The following FMN1 variants were observed in gnomAD, a reference collection of about 807,000 sequenced individuals.
The protein encoded by FMN1 is formin 1, also known as formin-1.
FMN1 carries 110 observed loss-of-function variants against 132.4 expected under a neutral mutation model. The ratio of observed to expected loss-of-function variants is 0.83; its 90% CI spans 0.71 to 0.97. The LOEUF is 0.97. Ranked by LOEUF, FMN1 falls within the 50% of genes least tolerant of loss-of-function variation. The probability of loss-of-function intolerance (pLI) is 0.00; values close to 1 mark genes in which losing one functional copy is unlikely to be tolerated. For synonymous variants in FMN1, 722 were observed against 651.7 expected (o/e 1.11, Z -1.64); for missense variants, 1,792 against 1,705.3 (o/e 1.05, Z -0.90).
At chr15:32,895,681 A>G (rs377166802) in intron 15 of FMN1, among the ~76,000 whole-genome samples, 5 of 152,258 alleles carry the variant, frequency 3.3e-5, no homozygotes, top group South Asian at 4.1e-4. Flanking sequence ...TATGTCTTCT[A>G]TATGTCTTTT....
chr15:32,785,515 A>G (rs148677444), intron 19 of FMN1, among the ~76,000 whole-genome samples: 88 of 152,160 alleles, frequency 5.8e-4, no homozygotes, highest in African/African-American at 2.0e-3. Flanking sequence ...CCTGAAAATT[A>G]GCGTTATCTT....
At chr15:33,179,130 G>T (rs1409988067) in intron 3 of FMN1, among the ~76,000 whole-genome samples, 1 of 152,070 alleles carries the variant, frequency 6.6e-6, no homozygotes, top group Non-Finnish European at 1.5e-5. Context: ...AACAAAATTG[G>T]CTTTCCACCA....
intron 11 of FMN1, among the ~76,000 whole-genome samples, chr15:32,909,036 G>A (rs150473135): frequency 9.4e-4 from 143 of 152,034 alleles, no homozygotes; most frequent in African/African-American, 3.3e-3. Context: ...TCCAAATTTC[G>A]TAAGCACTCA....
At chr15:33,140,363 G>T (rs57090126) in intron 4 of FMN1, among the ~76,000 whole-genome samples, 1 of 151,448 alleles carries the variant, frequency 6.6e-6, no homozygotes, top group Non-Finnish European at 1.5e-5. Context: ...AATTTTAGTG[G>T]TACATCAAAA....
intron 9 of FMN1, among the ~76,000 whole-genome samples, chr15:32,945,028 G>A (rs1006306802): frequency 1.3e-5 from 2 of 152,086 alleles, no homozygotes; most frequent in Non-Finnish European, 2.9e-5. Context: ...AATTTTTGTT[G>A]TTTCAAGTCA....
intron 6 of FMN1, among the ~76,000 whole-genome samples, chr15:33,053,962 A>G (rs1479654484): frequency 6.6e-6 from 1 of 152,060 alleles, no homozygotes; most frequent in Non-Finnish European, 1.5e-5. Context: ...ATGATTGAGT[A>G]AGTAAATCAC....
chr15:32,986,344 A>G (rs1300186081), intron 7 of FMN1, among the ~76,000 whole-genome samples: 1 of 152,144 alleles, frequency 6.6e-6, no homozygotes, highest in Non-Finnish European at 1.5e-5. Context: ...TTTTTGAGTA[A>G]CAAGCAAATT....
At chr15:32,778,798 A>G (rs1389305744) in intron 19 of FMN1, among the ~76,000 whole-genome samples, 1 of 152,170 alleles carries the variant, frequency 6.6e-6, no homozygotes, top group African/African-American at 2.4e-5. Flanking sequence ...CAGCAATTCT[A>G]CTGCTAGGTA....
chr15:33,021,066 T>C lies in FMN1; in HGVS notation c.2162-12991A>G, dbSNP rs73374844. ...AGGGATTTAAATTTAATTGCATAGT[T>C]TGACTTGCCTCCGGTACTCCTGCTA... On this transcript the variant is annotated intron_variant, in intron 6 of 20. Transcript: ENST00000616417. Among the ~76,000 whole-genome samples, 568 of 152,306 alleles carry C rather than the reference T, an allele frequency of 3.7e-3. 2 individuals are homozygous for C. Among genetic ancestry groups the C allele is most frequent in the African/African-American group, 0.013 (551 of 41,560 alleles).
chr15:32,885,857 A>C (rs528038784), intron 16 of FMN1, among the ~76,000 whole-genome samples: 6 of 151,284 alleles, frequency 4.0e-5, no homozygotes, highest in Non-Finnish European at 7.4e-5. Flanking sequence ...AGGGCCTGAT[A>C]CTTCTTGAAA....
intron 5 of FMN1, chr15:33,066,847 A>G (rs1374112946): frequency 6.2e-7 from 1 of 1,613,942 alleles, no homozygotes; most frequent in Admixed American, 1.7e-5. Flanking sequence ...TGAGCAGCAG[A>G]GAGAGCTGCT....
intron 4 of FMN1, among the ~76,000 whole-genome samples, chr15:33,101,804 T>C (rs2039303788): frequency 6.6e-6 from 1 of 152,132 alleles, no homozygotes; most frequent in Non-Finnish European, 1.5e-5. Context: ...ACCCAAATTC[T>C]TTGGTTGGAT....
In FMN1 at chr15:32,773,270, G is replaced by GC. The variant is rs1417540455; in HGVS notation, c.*1039dup. On this transcript the variant is annotated 3_prime_UTR_variant, in exon 21 of 21. Coordinates refer to ENST00000616417, the MANE Select transcript of FMN1 (RefSeq NM_001277313.2). ...AGTTTTTTTGACATTAAAGAGTCCT[G>GC]CTTCATCCTACTTCACATGCCTATC... The GC allele has an allele frequency of 1.3e-5, 2 of 152,072 alleles. No homozygotes were observed. Among genetic ancestry groups the GC allele is most frequent in the Admixed American group, 6.5e-5 (1 of 15,270 alleles). The allele number at this position is 152,072 out of a possible 1,614,324, so 9.4% of individuals were successfully genotyped here.
chr15:32,832,874 C>T (rs552592042), intron 17 of FMN1, among the ~76,000 whole-genome samples: 26 of 152,202 alleles, frequency 1.7e-4, no homozygotes, highest in Admixed American at 4.6e-4. Flanking sequence ...TTTATGACCC[C>T]GGGTTACCTA....
chr15:33,107,625 CTGA>C (rs1044894970), intron 4 of FMN1, among the ~76,000 whole-genome samples: 38 of 152,234 alleles, frequency 2.5e-4, no homozygotes, highest in African/African-American at 7.9e-4. Flanking sequence ...TGTTAAATGG[CTGA>C]TTTCTTCACA....
At chr15:32,836,896 C>T (rs2167509) in intron 17 of FMN1, 3,572 of 166,130 alleles carry the variant, frequency 0.022, 38 homozygotes, top group African/African-American at 0.037. Context: ...ATGAACTGAT[C>T]GATCTCAGTG....
intron 6 of FMN1, among the ~76,000 whole-genome samples, chr15:33,017,435 G>A (rs984440006): frequency 1.2e-4 from 18 of 151,900 alleles, no homozygotes; most frequent in Non-Finnish European, 1.8e-4. Flanking sequence ...TCTACTTTCC[G>A]CTCAATTTTT....
intron 6 of FMN1, among the ~76,000 whole-genome samples, chr15:33,021,943 A>G (rs1411647151): frequency 6.6e-6 from 1 of 152,232 alleles, no homozygotes; most frequent in Admixed American, 6.5e-5. Context: ...ACACTTAACT[A>G]GAATAAAATT....
At chr15:32,964,016 TACACACACACACACACACACAC>T in intron 9 of FMN1, 69 bp downstream of exon 9, 1 of 506,190 alleles carries the variant, frequency 2.0e-6, no homozygotes, top group Non-Finnish European at 3.5e-6. Context: ...GTATATACGA[TACACACACACACACACACACAC>T]ACACACACAC....
Sources: gnomAD v4.1 joint callset for allele counts (sites outside exome capture counted in the v4.1 genomes callset) on GRCh38, gnomAD v4.1.1 for gene constraint, MANE v1.5 for transcripts, NCBI Gene and HGNC (gene_info 2026-07-23, HGNC 2026-07-21) for gene names.